IQCM: variants seen among roughly 807,000 people sequenced by gnomAD.
IQCM encodes the protein IQ motif containing M, also known as IQ domain-containing protein M.
Under a neutral mutation model 57.6 loss-of-function variants are expected in IQCM, and 45 were observed. That is an observed-to-expected ratio of 0.78 (90% CI 0.62 to 1.00). The LOEUF (loss-of-function observed/expected upper bound fraction) is 1.00, where lower values mean the gene tolerates loss of function less well. Among genes scored for constraint, IQCM ranks in the 50% least tolerant of loss-of-function variants. The pLI is 0.00. For synonymous variants in IQCM, 148 were observed against 158.9 expected (o/e 0.93, Z 0.51); for missense variants, 468 against 511.6 (o/e 0.91, Z 0.82).
intron 6 of IQCM, among the ~76,000 whole-genome samples, chr4:149,685,399 C>A (rs538372324): frequency 3.3e-5 from 5 of 151,546 alleles, no homozygotes; most frequent in Admixed American, 1.3e-4. Context: ...ATAATAATTT[C>A]TTTTCCTTTG....
chr4:149,491,293 A>T (rs1040281690), intron 12 of IQCM, among the ~76,000 whole-genome samples: 22 of 152,112 alleles, frequency 1.4e-4, no homozygotes, highest in African/African-American at 5.3e-4. Context: ...CTGTGGTGAG[A>T]ACACTTAAAA....
At chr4:149,519,034 A>T (rs1745302186) in intron 12 of IQCM, among the ~76,000 whole-genome samples, 1 of 152,226 alleles carries the variant, frequency 6.6e-6, no homozygotes, top group Non-Finnish European at 1.5e-5. Flanking sequence ...GAGGAAAGAC[A>T]CTAAATCCCA....
chr4:149,388,117 A>G (rs1021390137), intron 13 of IQCM, among the ~76,000 whole-genome samples: 4 of 151,856 alleles, frequency 2.6e-5, no homozygotes, highest in African/African-American at 9.7e-5. Context: ...TCCATTTGGG[A>G]GCTATTATGG....
intron 13 of IQCM, among the ~76,000 whole-genome samples, chr4:149,392,905 T>C (rs887565903): frequency 2.0e-5 from 3 of 152,018 alleles, no homozygotes; most frequent in Non-Finnish European, 4.4e-5. Flanking sequence ...GAGTTGTCGC[T>C]CACACCTGTA....
chr4:149,541,947 C>G (rs1489078703), intron 12 of IQCM, among the ~76,000 whole-genome samples: 1 of 152,046 alleles, frequency 6.6e-6, no homozygotes, highest in African/African-American at 2.4e-5. Context: ...TCAAAGAAGT[C>G]AGTATGAATG....
At chr4:149,572,524 A>G (rs1267190635) in intron 9 of IQCM, among the ~76,000 whole-genome samples, 2 of 151,834 alleles carry the variant, frequency 1.3e-5, no homozygotes, top group East Asian at 1.9e-4. Flanking sequence ...CAAATTTTAT[A>G]TCTCTATTAA....
At chr4:149,403,845 T>A (rs1389442280) in intron 13 of IQCM, among the ~76,000 whole-genome samples, 1 of 152,022 alleles carries the variant, frequency 6.6e-6, no homozygotes, top group Non-Finnish European at 1.5e-5. Flanking sequence ...TAATACATTA[T>A]GGAAAAGCAA....
intron 7 of IQCM, among the ~76,000 whole-genome samples, chr4:149,659,175 T>G (rs935476394): frequency 1.3e-5 from 2 of 151,610 alleles, no homozygotes; most frequent in African/African-American, 4.8e-5. Flanking sequence ...TTTTTGTGTC[T>G]CTATACACCA....
chr4:149,604,015 C>T (rs1387449024), intron 8 of IQCM, among the ~76,000 whole-genome samples: 3 of 152,018 alleles, frequency 2.0e-5, no homozygotes, highest in Non-Finnish European at 2.9e-5. Context: ...AATTCTAAGA[C>T]TCTGAAATGT....
rs186423372 is a variant in IQCM, at chr4:149,553,305, C to A, written c.949-18G>T. The A allele has an allele frequency of 1.2e-5, 15 of 1,230,390 alleles. No individual in the cohort carries two copies. In the East Asian group the frequency reaches 3.8e-4, roughly 31 times the overall value. 76.2% of individuals were successfully genotyped at this position (1,230,390 alleles called of 1,614,324 possible). ...TCCAAAGCCTACAAAGACAGAAAAG[C>A]TCCTTATATATTTCTGGTATTTATA... On this transcript the variant is annotated intron_variant, in intron 10 of 13. Coordinates refer to ENST00000636793, the MANE Select transcript of IQCM (RefSeq NM_001363507.2).
At chr4:149,636,578 T>G (rs1033810823) in intron 7 of IQCM, among the ~76,000 whole-genome samples, 1 of 152,124 alleles carries the variant, frequency 6.6e-6, no homozygotes, top group Non-Finnish European at 1.5e-5. Flanking sequence ...AAGCCACACA[T>G]GCCCCACCTC....
chr4:149,602,858 C>T (rs971815683), intron 8 of IQCM, among the ~76,000 whole-genome samples: 2 of 151,680 alleles, frequency 1.3e-5, no homozygotes, highest in African/African-American at 4.8e-5. Context: ...ATAGAAGAAG[C>T]AATAAAAATC....
At chr4:149,763,262 G>A (rs1000798132) in intron 2 of IQCM, among the ~76,000 whole-genome samples, 6 of 152,000 alleles carry the variant, frequency 3.9e-5, no homozygotes, top group Admixed American at 1.3e-4. Context: ...AAAAAGCCTA[G>A]TTTGTATCCT....
intron 2 of IQCM, among the ~76,000 whole-genome samples, chr4:149,755,843 C>T (rs954130238): frequency 1.3e-5 from 2 of 152,016 alleles, no homozygotes; most frequent in Non-Finnish European, 2.9e-5. Flanking sequence ...AAATAAGTGC[C>T]CCTTGTAAGC....
chr4:149,473,822 G>T (rs1335072888), intron 12 of IQCM, among the ~76,000 whole-genome samples: 3 of 152,198 alleles, frequency 2.0e-5, no homozygotes, highest in Non-Finnish European at 4.4e-5. Flanking sequence ...CATGTCCTTT[G>T]TAGGGACATG....
At chr4:149,573,966 G>T (rs533140185) in intron 9 of IQCM, among the ~76,000 whole-genome samples, 6 of 151,844 alleles carry the variant, frequency 4.0e-5, no homozygotes, top group Non-Finnish European at 7.4e-5. Context: ...ATCCTCAATA[G>T]TTAGGATGAC....
At chr4:149,581,262 C>CATAT (rs369922752) in intron 9 of IQCM, among the ~76,000 whole-genome samples, 2 of 148,554 alleles carry the variant, frequency 1.3e-5, no homozygotes, top group African/African-American at 4.9e-5. Flanking sequence ...TACTTCAATT[C>CATAT]ATATATATAT....
intron 12 of IQCM, among the ~76,000 whole-genome samples, chr4:149,521,380 C>T (rs1002333375): frequency 6.6e-6 from 1 of 152,152 alleles, no homozygotes; most frequent in African/African-American, 2.4e-5. Flanking sequence ...AAAATGTTCT[C>T]CTCTTTTTTC....
At chr4:149,630,056 GGAGA>G (rs1256110931) in intron 7 of IQCM, among the ~76,000 whole-genome samples, 2 of 152,170 alleles carry the variant, frequency 1.3e-5, no homozygotes, top group African/African-American at 4.8e-5. Flanking sequence ...TCCCAGGAAA[GGAGA>G]GAGACAGCCT....
Sources: allele counts gnomAD v4.1 joint callset (sites outside exome capture counted in the v4.1 genomes callset), GRCh38; gene constraint gnomAD v4.1.1; transcripts MANE v1.5; gene names NCBI Gene and HGNC (gene_info 2026-07-23, HGNC 2026-07-21).